The following DYNC2H1 variants were observed in gnomAD, a reference collection of about 807,000 sequenced individuals.
DYNC2H1 encodes the protein cytoplasmic dynein 2 heavy chain 1.
A neutral mutation model predicts 570.0 loss-of-function variants in DYNC2H1; 410 were observed. The observed-to-expected ratio is 0.72, with a 90% CI of 0.66 to 0.78. The LOEUF (loss-of-function observed/expected upper bound fraction) is 0.78. Among genes scored for constraint, DYNC2H1 ranks in the 30% least tolerant of loss-of-function variants. DYNC2H1 has a pLI of 0.00. For synonymous variants in DYNC2H1, 1,688 were observed against 1,677.6 expected, an observed-to-expected ratio of 1.01 and a Z score of -0.15; for missense variants, 4,865 against 5,046.4, an observed-to-expected ratio of 0.96 and a Z score of 1.09.
rs1024080239 is a variant in DYNC2H1 at position 103,334,038 on chromosome 11, C to T, written c.12039+10048C>T. On this transcript the variant is annotated intron_variant, in intron 82 of 88. Coordinates refer to ENST00000375735, the MANE Select transcript of DYNC2H1 (RefSeq NM_001377.3). This position sits in a 1 kb window ranked among gnomAD's most constrained non-coding sequence, Gnocchi z 4.3. ...TGGCACATTCTCTAGGCTAAGAACA[C>T]TTGCAGCATGTTGCCTGGAAAGAAA... Among the ~76,000 whole-genome samples the T allele has an allele frequency of 1.3e-5, 2 of 152,260 alleles. No homozygotes were observed. The highest frequency in any genetic ancestry group is 2.4e-5 in the African/African-American group (1 of 41,544).
In DYNC2H1 at chr11:103,186,612, A is replaced by G; in HGVS notation, c.6893+111A>G. On this transcript the variant is annotated intron_variant, in intron 42 of 88. Transcript: ENST00000375735. The surrounding 1 kb of genome is among the most constrained non-coding windows in gnomAD (Gnocchi z 4.5). ...TGGTTAAAGTAGCATTTACATTTTC[A>G]TGGAAGATTCATTTTATTTTCATTA... 1 of 1,346,792 alleles carries G rather than the reference A, an allele frequency of 7.4e-7. No individual in the cohort carries two copies. The highest frequency in any genetic ancestry group is 9.8e-7 in the Non-Finnish European group (1 of 1,016,300). The allele number at this position is 1,346,792 out of a possible 1,614,324, so 83.4% of individuals were successfully genotyped here.
At chr11:103,313,975 C>T (rs1024951918) in intron 79 of DYNC2H1, among the ~76,000 whole-genome samples, 9 of 152,144 alleles carry the variant, frequency 5.9e-5, no homozygotes, top group African/African-American at 2.2e-4. Context: ...TGACCTCTGT[C>T]CTTAGCCTAA....
At chr11:103,419,920 G>C (rs1943421857) in intron 84 of DYNC2H1, among the ~76,000 whole-genome samples, 1 of 152,104 alleles carries the variant, frequency 6.6e-6, no homozygotes, top group Non-Finnish European at 1.5e-5. Context: ...AGCCAGAATA[G>C]CCAGTTTAGA....
chr11:103,257,781 C>G (rs650238), intron 69 of DYNC2H1, 30 bp downstream of exon 69: 1 of 1,492,902 alleles, frequency 6.7e-7, no homozygotes, highest in Non-Finnish European at 9.0e-7. Flanking sequence ...GTACCAGAGA[C>G]TGAATTACAG....
intron 47 of DYNC2H1, among the ~76,000 whole-genome samples, chr11:103,192,530 G>GT (rs36022892): frequency 1.1e-4 from 17 of 151,374 alleles, no homozygotes; most frequent in Non-Finnish European, 1.3e-4. Context: ...TTTAATAAAA[G>GT]TTTTTTTTTG....
intron 11 of DYNC2H1, among the ~76,000 whole-genome samples, chr11:103,123,784 A>C (rs1331477358): frequency 6.6e-6 from 1 of 151,248 alleles, no homozygotes; most frequent in African/African-American, 2.4e-5. Flanking sequence ...TGTTCCTTCC[A>C]CACAGCGTTT....
chr11:103,437,525 G>A (rs766749008), intron 85 of DYNC2H1, among the ~76,000 whole-genome samples: 4 of 151,964 alleles, frequency 2.6e-5, no homozygotes, highest in Non-Finnish European at 5.9e-5. Flanking sequence ...AAAAGTACTA[G>A]ATCTGGAAAT....
chr11:103,433,598 T>A (rs1943967917), intron 84 of DYNC2H1, among the ~76,000 whole-genome samples: 1 of 151,962 alleles, frequency 6.6e-6, no homozygotes, highest in East Asian at 1.9e-4. Context: ...AATTTAAGAG[T>A]CATGTTTAAA....
intron 88 of DYNC2H1, among the ~76,000 whole-genome samples, chr11:103,476,729 G>A (rs552615225): frequency 6.6e-6 from 1 of 152,270 alleles, no homozygotes; most frequent in South Asian, 2.1e-4. Context: ...GCAGTTGTTG[G>A]TGTGTGGGTA....
intron 84 of DYNC2H1, among the ~76,000 whole-genome samples, chr11:103,421,117 A>T (rs1354619609): frequency 6.6e-6 from 1 of 152,182 alleles, no homozygotes; most frequent in East Asian, 1.9e-4. Flanking sequence ...AACAAAGATT[A>T]AAAAAAGACA....
At chr11:103,380,001 G>T (rs1358609591) in intron 83 of DYNC2H1, among the ~76,000 whole-genome samples, 1 of 152,174 alleles carries the variant, frequency 6.6e-6, no homozygotes, top group Non-Finnish European at 1.5e-5. Flanking sequence ...TGATTCAAAT[G>T]AAAGAACTTA....
intron 54 of DYNC2H1, among the ~76,000 whole-genome samples, chr11:103,212,577 CACTT>C (rs1863200798): frequency 6.6e-6 from 1 of 152,040 alleles, no homozygotes; most frequent in African/African-American, 2.4e-5. Context: ...CATGTCACCT[CACTT>C]AGTACATTCT....
intron 88 of DYNC2H1, among the ~76,000 whole-genome samples, chr11:103,475,470 C>CA (rs1430192953): frequency 1.4e-4 from 22 of 152,150 alleles, no homozygotes; most frequent in African/African-American, 5.3e-4. Context: ...CTTCTATATA[C>CA]ACAAAACATT....
At chr11:103,387,476 C>A (rs1321379754) in intron 83 of DYNC2H1, among the ~76,000 whole-genome samples, 1 of 152,122 alleles carries the variant, frequency 6.6e-6, no homozygotes, top group African/African-American at 2.4e-5. Context: ...ATGGTAATTT[C>A]TTTTGCTGTG....
At chr11:103,117,926 A>C in intron 6 of DYNC2H1, 63 bp downstream of exon 6, 1 of 1,358,452 alleles carries the variant, frequency 7.4e-7, no homozygotes, top group Non-Finnish European at 9.9e-7. Flanking sequence ...CTTGTTTGTA[A>C]ATGTATTTTA....
chr11:103,206,407 AG>A (rs1862926239), intron 52 of DYNC2H1, among the ~76,000 whole-genome samples: 1 of 152,166 alleles, frequency 6.6e-6, no homozygotes, highest in African/African-American at 2.4e-5. Context: ...CTGGAGCTCC[AG>A]GGGTCAGGCA....
intron 70 of DYNC2H1, among the ~76,000 whole-genome samples, chr11:103,276,216 A>G (rs886428515): frequency 7.4e-5 from 11 of 148,550 alleles, no homozygotes; most frequent in African/African-American, 2.3e-4. Context: ...CACATCCCCA[A>G]TATATACTTT....
At chr11:103,179,260 T>C in intron 39 of DYNC2H1, 27 bp downstream of exon 39, 6 of 1,584,910 alleles carry the variant, frequency 3.8e-6, no homozygotes, top group Non-Finnish European at 5.2e-6. Context: ...TTATATACAG[T>C]ATATTAGAAT....
At chr11:103,218,614 T>C (rs1863470155) in intron 55 of DYNC2H1, among the ~76,000 whole-genome samples, 1 of 152,068 alleles carries the variant, frequency 6.6e-6, no homozygotes, top group Non-Finnish European at 1.5e-5. Flanking sequence ...TAAAGGAAAA[T>C]ATTTGGTGTT....
Sources: allele counts gnomAD v4.1 joint callset (sites outside exome capture counted in the v4.1 genomes callset), GRCh38; gene constraint gnomAD v4.1.1; non-coding constraint Gnocchi (gnomAD v3.1); transcripts MANE v1.5; gene names NCBI Gene and HGNC (gene_info 2026-07-23, HGNC 2026-07-21).